PIEZO2: variants seen among roughly 807,000 people sequenced by gnomAD.
PIEZO2 encodes the protein piezo type mechanosensitive ion channel component 2, also known as piezo-type mechanosensitive ion channel component 2.
A neutral mutation model predicts 337.3 loss-of-function variants in PIEZO2; 172 were observed. The ratio of observed to expected loss-of-function variants is 0.51; its 90% CI spans 0.45 to 0.58. PIEZO2 has a LOEUF of 0.58. Ranked by LOEUF, PIEZO2 falls within the 20% of genes least tolerant of loss-of-function variation. PIEZO2 has a pLI of 0.00. For synonymous variants in PIEZO2, 1,251 were observed against 1,228.5 expected, an observed-to-expected ratio of 1.02 and a Z score of -0.38; for missense variants, 3,028 against 3,391.3, an observed-to-expected ratio of 0.89 and a Z score of 2.66.
chr18:10,726,636 C>T lies in PIEZO2; in HGVS notation c.5029+4771G>A. Reference sequence around the variant, plus strand: ...ACGCCGACGTGCGCTGGGAGTACTGCGCGCGCGCCAAGCGCGGCCAGACAG... The same window carrying T: ...ACGCCGACGTGCGCTGGGAGTACTGTGCGCGCGCCAAGCGCGGCCAGACAG... On this transcript the variant is annotated intron_variant, in intron 36 of 55. Transcript: ENST00000674853. This position sits in a 1 kb window ranked among gnomAD's most constrained non-coding sequence, Gnocchi z 5.9. 2 of 1,387,232 alleles carry T rather than the reference C, an allele frequency of 1.4e-6. No individual in the cohort carries two copies. Among genetic ancestry groups the T allele is most frequent in the Non-Finnish European group, 1.9e-6 (2 of 1,029,216 alleles). 85.9% of individuals were successfully genotyped at this position (1,387,232 alleles called of 1,614,324 possible).
chr18:11,131,291 G>A lies in PIEZO2; in HGVS notation c.64+17234C>T, dbSNP rs1026038969. Among the ~76,000 whole-genome samples, 2 of 152,114 alleles carry A rather than the reference G, an allele frequency of 1.3e-5. No individual in the cohort carries two copies. Among genetic ancestry groups the A allele is most frequent in the African/African-American group, 2.4e-5 (1 of 41,432 alleles). ...AAGTGATATATACATGATCGGGCTC[G>A]AGCAGGTCCTGAGGGCACAAGTAAG... is the stretch of plus-strand genomic sequence containing the variant. On this transcript the variant is annotated intron_variant, in intron 1 of 55. Transcript: ENST00000674853. The surrounding 1 kb of genome is among the most constrained non-coding windows in gnomAD (Gnocchi z 5.3).
At chr18:10,925,137 A>C (rs2031651079) in intron 3 of PIEZO2, among the ~76,000 whole-genome samples, 1 of 152,222 alleles carries the variant, frequency 6.6e-6, no homozygotes, top group Admixed American at 6.5e-5. Context: ...GCCATGATAT[A>C]TAATAAAATA....
Position 10,980,084 on chromosome 18 carries a change from T to A in PIEZO2, c.161-424A>T, listed in dbSNP as rs1598776492. 6.6e-6 allele frequency among the ~76,000 whole-genome samples: 1 copy of A among 151,986 alleles called. No individual in the cohort carries two copies. Among genetic ancestry groups the A allele is most frequent in the African/African-American group, 2.4e-5 (1 of 41,392 alleles). ...AGTCACAATAACTTTAATTTCAAAA[T>A]CAAATAAGGCTAGAAAAGAAAATTA... is the stretch of plus-strand genomic sequence containing the variant. On this transcript the variant is annotated intron_variant, in intron 2 of 55. Coordinates refer to ENST00000674853, the MANE Select transcript of PIEZO2 (RefSeq NM_001378183.1). The surrounding 1 kb of genome is among the most constrained non-coding windows in gnomAD (Gnocchi z 4.8).
At chr18:11,046,559 T>C (rs1195253533) in intron 2 of PIEZO2, among the ~76,000 whole-genome samples, 1 of 152,232 alleles carries the variant, frequency 6.6e-6, no homozygotes, top group African/African-American at 2.4e-5. Flanking sequence ...AGTGCACGCG[T>C]CCACACAGCT....
intron 4 of PIEZO2, among the ~76,000 whole-genome samples, chr18:10,883,896 C>A (rs773357926): frequency 6.0e-5 from 9 of 150,086 alleles, no homozygotes; most frequent in Non-Finnish European, 1.2e-4. Context: ...CTGCAAACTC[C>A]CCCTCCCAGG....
intron 1 of PIEZO2, among the ~76,000 whole-genome samples, chr18:11,137,788 T>C (rs1287796485): frequency 6.6e-6 from 1 of 152,208 alleles, no homozygotes; most frequent in Non-Finnish European, 1.5e-5. Flanking sequence ...TCATCCTTCT[T>C]CCTTTTCTGC....
chr18:11,090,839 G>GC lies in PIEZO2; in HGVS notation c.65-24618_65-24617insG, dbSNP rs531344321. Among the ~76,000 whole-genome samples, 765 of 151,506 alleles carry GC rather than the reference G, an allele frequency of 5.0e-3. 8 individuals are homozygous for GC. Among genetic ancestry groups the GC allele is most frequent in the African/African-American group, 0.018 (737 of 41,234 alleles). ...GAGGCAGGAGAATGGTGTGAACCCGGGGGGGCAAAGCTTGCAGTGAGCCGA... is the reference window on the plus strand; with the variant it reads ...GAGGCAGGAGAATGGTGTGAACCCGGCGGGGGCAAAGCTTGCAGTGAGCCGA... On this transcript the variant is annotated intron_variant, in intron 1 of 55. Transcript: ENST00000674853.
intron 4 of PIEZO2, among the ~76,000 whole-genome samples, chr18:10,881,719 A>G (rs969940882): frequency 6.6e-6 from 1 of 152,176 alleles, no homozygotes; most frequent in Non-Finnish European, 1.5e-5. Context: ...AACGACTACA[A>G]CAAACAAAAG....
chr18:10,697,079 C>G (rs1328478387), intron 45 of PIEZO2, among the ~76,000 whole-genome samples: 2 of 152,200 alleles, frequency 1.3e-5, no homozygotes, highest in African/African-American at 4.8e-5. Context: ...TGCTGGCTCC[C>G]ACATACTCCC....
Position 10,830,445 on chromosome 18 carries a change from G to A in PIEZO2, c.918-23171C>T, listed in dbSNP as rs1391889219. Among the ~76,000 whole-genome samples, 1 of 150,954 alleles carries A rather than the reference G, an allele frequency of 6.6e-6. No homozygotes were observed. The highest frequency in any genetic ancestry group is 2.5e-5 in the African/African-American group (1 of 40,754). On this transcript the variant is annotated intron_variant, in intron 7 of 55. Coordinates refer to ENST00000674853, the MANE Select transcript of PIEZO2 (RefSeq NM_001378183.1). This position sits in a 1 kb window ranked among gnomAD's most constrained non-coding sequence, Gnocchi z 4.7. Reference sequence around the variant, plus strand: ...GCAACCTAGCACCATTTATTGAAGAGACTGTCCTTTCCCCCCTTTTATGCC... The same window carrying A: ...GCAACCTAGCACCATTTATTGAAGAAACTGTCCTTTCCCCCCTTTTATGCC...
intron 3 of PIEZO2, among the ~76,000 whole-genome samples, chr18:10,967,907 GATT>G (rs757640823): frequency 1.7e-4 from 26 of 151,510 alleles, no homozygotes; most frequent in Non-Finnish European, 2.8e-4. Flanking sequence ...TTACTCTGCT[GATT>G]ATTATTATTA....
Position 11,091,869 on chromosome 18 carries a change from G to A in PIEZO2, c.65-25647C>T, listed in dbSNP as rs116691988. ...CTCAAGACCACAAGTCAAGTCTCAC[G>A]TCTCAGTGTCACCACTCAGTCACAG... On this transcript the variant is annotated intron_variant, in intron 1 of 55. Transcript: ENST00000674853. Among the ~76,000 whole-genome samples the A allele has an allele frequency of 4.7e-3, 715 of 152,296 alleles. 5 individuals carry two copies. The highest frequency in any genetic ancestry group is 0.017 in the Middle Eastern group (5 of 294).
At chr18:11,007,337 A>G (rs987274668) in intron 2 of PIEZO2, among the ~76,000 whole-genome samples, 1 of 152,230 alleles carries the variant, frequency 6.6e-6, no homozygotes, top group Non-Finnish European at 1.5e-5. Flanking sequence ...AGCATAAAAT[A>G]TAGGTTAAAG....
At chr18:10,796,208 A>AT in intron 12 of PIEZO2, among the ~76,000 whole-genome samples, 1 of 148,628 alleles carries the variant, frequency 6.7e-6, no homozygotes, top group South Asian at 2.1e-4. Flanking sequence ...ACTAAAAATA[A>AT]AAAAAAAAAA....
intron 36 of PIEZO2, among the ~76,000 whole-genome samples, chr18:10,725,708 C>A (rs775155676): frequency 1.3e-5 from 2 of 152,226 alleles, no homozygotes; most frequent in Non-Finnish European, 2.9e-5. Flanking sequence ...TCTCTCTCCA[C>A]TTCCTCTCCG....
In PIEZO2 at chr18:11,003,060, A is replaced by G. The variant is rs990667455; in HGVS notation, c.161-23400T>C. ...GTCAAGGACAGCCTTAAGCACAAGG[A>G]GATTCTAACCTGGGAGATGTCCAGT... On this transcript the variant is annotated intron_variant, in intron 2 of 55. Coordinates refer to ENST00000674853, the MANE Select transcript of PIEZO2 (RefSeq NM_001378183.1). This position sits in a 1 kb window ranked among gnomAD's most constrained non-coding sequence, Gnocchi z 4.6. Among the ~76,000 whole-genome samples the G allele has an allele frequency of 1.3e-5, 2 of 151,764 alleles. No individual in the cohort carries two copies. The highest frequency in any genetic ancestry group is 6.5e-5 in the Admixed American group (1 of 15,276).
At chr18:10,785,003 T>C in intron 16 of PIEZO2, 46 bp from the exon 17 acceptor site, 3 of 1,498,244 alleles carry the variant, frequency 2.0e-6, no homozygotes, top group Non-Finnish European at 1.8e-6. Flanking sequence ...TCTTACGCAA[T>C]GAAGTCACAA....
In PIEZO2 at chr18:10,673,010, T is replaced by C; in HGVS notation, c.8162-137A>G. ...GGATGAAAAGGATGCATGGACATACTAGAAGCGTGAATGGGCAAGGAAGAG... is the reference window on the plus strand; with the variant it reads ...GGATGAAAAGGATGCATGGACATACCAGAAGCGTGAATGGGCAAGGAAGAG... On this transcript the variant is annotated intron_variant, in intron 54 of 55. Coordinates refer to ENST00000674853, the MANE Select transcript of PIEZO2 (RefSeq NM_001378183.1). This position sits in a 1 kb window ranked among gnomAD's most constrained non-coding sequence, Gnocchi z 4.8. 2.9e-6 allele frequency: 2 copies of C among 693,196 alleles called. No homozygotes were observed. Among genetic ancestry groups the C allele is most frequent in the South Asian group, 2.0e-5 (1 of 50,544 alleles). The allele number at this position is 693,196 out of a possible 1,614,324, so 42.9% of individuals were successfully genotyped here.
chr18:10,734,623 A>G (rs1202714380), intron 35 of PIEZO2, among the ~76,000 whole-genome samples: 1 of 152,242 alleles, frequency 6.6e-6, no homozygotes, highest in Non-Finnish European at 1.5e-5. Flanking sequence ...CAGCATAGGT[A>G]GCTGAATAAC....
Sources: gnomAD v4.1 joint callset for allele counts (sites outside exome capture counted in the v4.1 genomes callset) on GRCh38, gnomAD v4.1.1 for gene constraint, Gnocchi (gnomAD v3.1) non-coding constraint, MANE v1.5 for transcripts, NCBI Gene and HGNC (gene_info 2026-07-23, HGNC 2026-07-21) for gene names.